ATP2B2: variants seen among roughly 807,000 people sequenced by gnomAD.
The protein encoded by ATP2B2 is ATPase plasma membrane Ca2+ transporting 2, also known as plasma membrane calcium-transporting ATPase 2.
A neutral mutation model predicts 120.0 loss-of-function variants in ATP2B2; 15 were observed. The ratio of observed to expected loss-of-function variants is 0.12; its 90% confidence interval spans 0.08 to 0.19. The LOEUF (loss-of-function observed/expected upper bound fraction) is 0.19, where lower values mean the gene tolerates loss of function less well. Ranked by LOEUF, ATP2B2 falls within the 10% of genes least tolerant of loss-of-function variation. The pLI is 1.00. For missense variants in ATP2B2, 1,045 were observed against 1,719.8 expected, an observed-to-expected ratio of 0.61 and a Z score of 6.94; for synonymous variants, 694 against 700.3, an observed-to-expected ratio of 0.99 and a Z score of 0.14.
chr3:10,336,017 C>G, intron 22 of ATP2B2: 2 of 1,320,206 alleles, frequency 1.5e-6, no homozygotes, highest in South Asian at 1.4e-5. Context: ...CTTCATCCCC[C>G]TGGGCCTGAT....
chr3:10,449,738 T>C lies in ATP2B2; in HGVS notation c.-195A>G, dbSNP rs2125182242. The stretch of plus-strand genomic sequence containing the variant: ...CAGTGGTGGTGAGCTCCAAGAGGTG[T>C]CCTCCGGTGTGGGACGAGGTCCAGG... On this transcript the variant is annotated 5_prime_UTR_variant, in exon 2 of 23. Coordinates refer to ENST00000360273, the MANE Select transcript of ATP2B2 (RefSeq NM_001001331.4). 1.5e-6 allele frequency: 1 copy of C among 679,926 alleles called. No individual in the cohort carries two copies. The highest frequency in any genetic ancestry group is 3.9e-4 in the Middle Eastern group (1 of 2,580). The allele number at this position is 679,926 out of a possible 1,614,324, so 42.1% of individuals were successfully genotyped here.
intron 2 of ATP2B2, among the ~76,000 whole-genome samples, chr3:10,576,798 C>T (rs757084044): frequency 2.6e-5 from 4 of 152,044 alleles, no homozygotes; most frequent in Non-Finnish European, 5.9e-5. Context: ...GGCGCGGTGG[C>T]TCACGTCTGT....
chr3:10,443,930 C>T (rs889185946), intron 2 of ATP2B2, among the ~76,000 whole-genome samples: 3 of 152,202 alleles, frequency 2.0e-5, no homozygotes, highest in South Asian at 2.1e-4. Flanking sequence ...AGTATCTTGC[C>T]TGAGGTCTCC....
chr3:10,460,784 T>C (rs2064455612), intron 1 of ATP2B2, among the ~76,000 whole-genome samples: 2 of 152,200 alleles, frequency 1.3e-5, no homozygotes, highest in Admixed American at 6.5e-5. Context: ...CCATTAGTGA[T>C]TCATTCTTTT....
chr3:10,336,820 G>C (rs1486972376), intron 22 of ATP2B2, among the ~76,000 whole-genome samples: 1 of 152,220 alleles, frequency 6.6e-6, no homozygotes, highest in Non-Finnish European at 1.5e-5. Flanking sequence ...CAAAGCACCT[G>C]ACCCGTGTTA....
chr3:10,526,358 G>T (rs552483115), intron 3 of ATP2B2, among the ~76,000 whole-genome samples: 1 of 152,196 alleles, frequency 6.6e-6, no homozygotes, highest in Non-Finnish European at 1.5e-5. Flanking sequence ...TGGAAGCTGG[G>T]GTTCCAATCA....
intron 2 of ATP2B2, among the ~76,000 whole-genome samples, chr3:10,594,282 G>A (rs1575535443): frequency 6.6e-6 from 1 of 152,086 alleles, no homozygotes; most frequent in Admixed American, 6.5e-5. Flanking sequence ...ATTTATTGTG[G>A]CACTATTCAC....
At chr3:10,617,515 A>G (rs1346099947) in intron 2 of ATP2B2, among the ~76,000 whole-genome samples, 1 of 152,252 alleles carries the variant, frequency 6.6e-6, no homozygotes, top group Non-Finnish European at 1.5e-5. Context: ...TTTGCTCAGC[A>G]TTCTGTGGAG....
chr3:10,426,596 G>A (rs2470450), intron 2 of ATP2B2, among the ~76,000 whole-genome samples: 72,477 of 152,068 alleles, frequency 0.48, 17,510 homozygotes, highest in South Asian at 0.57. Flanking sequence ...GAAGGCCACA[G>A]AAGGACTTGG....
chr3:10,417,359 C>A (rs552534339), intron 2 of ATP2B2, among the ~76,000 whole-genome samples: 2 of 152,062 alleles, frequency 1.3e-5, no homozygotes, highest in Non-Finnish European at 2.9e-5. Flanking sequence ...GTGCAGCAGC[C>A]GGGCAGAGGC....
At chr3:10,359,009 G>T in intron 13 of ATP2B2, 84 bp from the exon 14 acceptor site, 1 of 1,304,642 alleles carries the variant, frequency 7.7e-7, no homozygotes, top group Non-Finnish European at 1.1e-6. Flanking sequence ...CCCTCGTGAT[G>T]CCCAGCTAGC....
chr3:10,394,058 T>C (rs1034036544), intron 5 of ATP2B2, among the ~76,000 whole-genome samples: 3 of 151,984 alleles, frequency 2.0e-5, no homozygotes, highest in African/African-American at 7.3e-5. Context: ...TTGCAGAGGG[T>C]GTAGGACAGT....
At chr3:10,331,342 C>G (rs2059974077) in intron 22 of ATP2B2, among the ~76,000 whole-genome samples, 1 of 152,234 alleles carries the variant, frequency 6.6e-6, no homozygotes, top group Admixed American at 6.5e-5. Flanking sequence ...ATGGGAATAG[C>G]ATCAAGGCTG....
chr3:10,436,899 A>G (rs1271868661), intron 2 of ATP2B2, among the ~76,000 whole-genome samples: 1 of 146,868 alleles, frequency 6.8e-6, no homozygotes, highest in Non-Finnish European at 1.5e-5. Context: ...GTCTTCGTGG[A>G]GGTGTTGCCA....
At chr3:10,504,730 T>G (rs576264005) in intron 1 of ATP2B2, among the ~76,000 whole-genome samples, 32 of 152,278 alleles carry the variant, frequency 2.1e-4, no homozygotes, top group African/African-American at 7.2e-4. Context: ...GGGAGGAGCC[T>G]CAGGTGCCCT....
chr3:10,446,524 A>G (rs2063841746), intron 2 of ATP2B2, among the ~76,000 whole-genome samples: 1 of 152,194 alleles, frequency 6.6e-6, no homozygotes, highest in African/African-American at 2.4e-5. Context: ...CGGGGGCACA[A>G]AGAGTTTGAG....
chr3:10,326,412 G>T lies in ATP2B2; in HGVS notation c.*2402C>A. The T allele has an allele frequency of 3.5e-6, 1 of 283,998 alleles. No homozygotes were observed. Among genetic ancestry groups the T allele is most frequent in the Non-Finnish European group, 6.5e-6 (1 of 153,396 alleles). 17.6% of individuals were successfully genotyped at this position (283,998 alleles called of 1,614,324 possible). On this transcript the variant is annotated 3_prime_UTR_variant, in exon 23 of 23. Transcript: ENST00000360273. ...CCAGGCTCCACTGAGAACCCCTCCT[G>T]GCTCCGAATGAACATGGAGCATGGT...
chr3:10,507,649 A>AGCCC (rs2066672653), upstream of ATP2B2, among the ~76,000 whole-genome samples: 4 of 152,356 alleles, frequency 2.6e-5, no homozygotes, highest in South Asian at 8.3e-4. Context: ...CTTACAAAAT[A>AGCCC]GCCCGAGAAG....
At chr3:10,685,116 C>T (rs1456015369) in intron 1 of ATP2B2, among the ~76,000 whole-genome samples, 1 of 152,206 alleles carries the variant, frequency 6.6e-6, no homozygotes, top group Non-Finnish European at 1.5e-5. Context: ...AGAACATTTC[C>T]TCATCTGTAA....
Sources: allele counts gnomAD v4.1 joint callset (sites outside exome capture counted in the v4.1 genomes callset), GRCh38; gene constraint gnomAD v4.1.1; transcripts MANE v1.5; gene names NCBI Gene and HGNC (gene_info 2026-07-23, HGNC 2026-07-21).